Variants in PURG observed in about 807,000 individuals in gnomAD.
PURG encodes purine rich element binding protein G.
PURG carries 3 observed loss-of-function variants against 24.3 expected under a neutral mutation model. The ratio of observed to expected loss-of-function variants is 0.12; its 90% confidence interval spans 0.06 to 0.32. The LOEUF is 0.32. PURG is among the 10% of genes least tolerant of loss of function. The pLI, the probability that PURG is intolerant of heterozygous loss-of-function variation, is 1.00. For synonymous variants in PURG, 180 were observed against 173.1 expected, an observed-to-expected ratio of 1.04 and a Z score of -0.31; for missense variants, 371 against 439.1, an observed-to-expected ratio of 0.84 and a Z score of 1.39.
intron 1 of PURG, among the ~76,000 whole-genome samples, chr8:31,014,102 A>T (rs1810811474): frequency 6.6e-6 from 1 of 152,244 alleles, no homozygotes; most frequent in African/African-American, 2.4e-5. Context: ...ATCATTAAAA[A>T]AATCTGAATT....
At chr8:31,005,467 A>G (rs1810624482) in intron 1 of PURG, among the ~76,000 whole-genome samples, 1 of 151,796 alleles carries the variant, frequency 6.6e-6, no homozygotes, top group African/African-American at 2.4e-5. Flanking sequence ...AAAGAAAAGA[A>G]AAGAAAAATA....
chr8:31,014,647 T>G (rs1810825631), intron 1 of PURG, among the ~76,000 whole-genome samples: 1 of 152,246 alleles, frequency 6.6e-6, no homozygotes, highest in South Asian at 2.1e-4. Flanking sequence ...GCAAAGATTA[T>G]TAAATCATTT....
chr8:31,032,753 G>T lies in PURG; in HGVS notation c.30C>A (p.Gly10=). MERARRRGG[G]GGRGRGGKNV... is the part of the protein sequence containing the mutation. ...TCTTGCCTCCGCGGCCGCGGCCGCCGCCGCCTCCCCTTCGCCTGGCTCTTT... is the reference window on the plus strand; with the variant it reads ...TCTTGCCTCCGCGGCCGCGGCCGCCTCCGCCTCCCCTTCGCCTGGCTCTTT... The change falls in exon 2 of 2, where the codon GGC becomes GGA. Residue 10 remains glycine (G), a synonymous_variant. Transcript: ENST00000523392. The surrounding 1 kb of genome is among the most constrained non-coding windows in gnomAD (Gnocchi z 5.9). The T allele has an allele frequency of 7.0e-7, 1 of 1,434,882 alleles. No homozygotes were observed. The highest frequency in any genetic ancestry group is 9.2e-7 in the Non-Finnish European group (1 of 1,090,950). 88.9% of individuals were successfully genotyped at this position (1,434,882 alleles called of 1,614,324 possible).
At chr8:31,023,950 C>T (rs973487056) in intron 1 of PURG, among the ~76,000 whole-genome samples, 1 of 151,968 alleles carries the variant, frequency 6.6e-6, no homozygotes, top group African/African-American at 2.4e-5. Context: ...CTTTGCCATG[C>T]AGAATATAAA....
rs1358736652 is a variant in PURG at position 31,031,340 on chromosome 8, T to C, written c.*399A>G. 1 of 170,708 alleles carries C rather than the reference T, an allele frequency of 5.9e-6. No homozygotes were observed. Among genetic ancestry groups the C allele is most frequent in the Non-Finnish European group, 1.3e-5 (1 of 78,622 alleles). The allele number at this position is 170,708 out of a possible 1,614,324, so 10.6% of individuals were successfully genotyped here. On this transcript the variant is annotated 3_prime_UTR_variant, in exon 2 of 2. Coordinates refer to ENST00000523392, the MANE Select transcript of PURG (RefSeq NM_001323311.2). ...GCCCTACAGGTAAGCTTAGCAGCTT[T>C]TAATGAAGTAGAATTGAAATACTTT...
chr8:31,029,904 T>A (rs1284311381), downstream of PURG, among the ~76,000 whole-genome samples: 1 of 151,930 alleles, frequency 6.6e-6, no homozygotes, highest in African/African-American at 2.4e-5. Context: ...TTAGCTCTAG[T>A]ACTAACATTA....
chr8:31,011,344 G>A (rs1042814179), intron 1 of PURG, among the ~76,000 whole-genome samples: 1 of 152,052 alleles, frequency 6.6e-6, no homozygotes, highest in Admixed American at 6.6e-5. Flanking sequence ...CTAGGACTCA[G>A]GTAGTCATTA....
chr8:31,022,389 T>G (rs551587631), intron 1 of PURG, among the ~76,000 whole-genome samples: 1 of 152,232 alleles, frequency 6.6e-6, no homozygotes, highest in Non-Finnish European at 1.5e-5. Flanking sequence ...CCAAGTCAAA[T>G]CTGTTTTCTA....
intron 1 of PURG, among the ~76,000 whole-genome samples, chr8:31,014,251 C>G (rs1810814335): frequency 6.6e-6 from 1 of 152,130 alleles, no homozygotes; most frequent in South Asian, 2.1e-4. Context: ...CATGATCAAT[C>G]AGTTTTTGTG....
chr8:31,010,284 C>T (rs996886855), intron 1 of PURG, among the ~76,000 whole-genome samples: 3 of 152,036 alleles, frequency 2.0e-5, no homozygotes, highest in Non-Finnish European at 2.9e-5. Flanking sequence ...GGTGAGGAAA[C>T]GTCAAGTTCT....
Position 31,033,124 on chromosome 8 carries a change from G to A in PURG, c.-53C>T. ...GCCGCCGATGCCCTTCACGACCACC[G>A]CCGCCGCCACCGCCAGCTCTCGGCC... On this transcript the variant is annotated 5_prime_UTR_variant, in exon 1 of 2. Transcript: ENST00000523392. 4 of 219,768 alleles carry A rather than the reference G, an allele frequency of 1.8e-5. No individual in the cohort carries two copies. The highest frequency in any genetic ancestry group is 1.6e-4 in the East Asian group (2 of 12,206). 13.6% of individuals were successfully genotyped at this position (219,768 alleles called of 1,614,324 possible). A position where few individuals can be genotyped will look rare whatever the true frequency, so the allele number is the denominator to read the frequency against.
intron 1 of PURG, among the ~76,000 whole-genome samples, chr8:31,021,369 A>T (rs1038969890): frequency 6.6e-6 from 1 of 152,180 alleles, no homozygotes; most frequent in Non-Finnish European, 1.5e-5. Flanking sequence ...TTATGATCTG[A>T]TCCCTTTAAA....
intron 1 of PURG, among the ~76,000 whole-genome samples, chr8:31,014,522 A>G (rs1239316589): frequency 1.3e-5 from 2 of 152,242 alleles, no homozygotes; most frequent in Non-Finnish European, 2.9e-5. Flanking sequence ...GATTTTGAAA[A>G]TAACATTTGA....
intron 1 of PURG, among the ~76,000 whole-genome samples, chr8:30,998,616 T>G (rs976803229): frequency 6.6e-6 from 1 of 151,836 alleles, no homozygotes; most frequent in Non-Finnish European, 1.5e-5. Context: ...AGCTTAAAAT[T>G]ATAAACTTGA....
chr8:31,027,069 A>G (rs1563310130), downstream of PURG, among the ~76,000 whole-genome samples: 1 of 151,720 alleles, frequency 6.6e-6, no homozygotes, highest in Non-Finnish European at 1.5e-5. Flanking sequence ...AGTTGTTTCA[A>G]CAGCATGTTA....
At chr8:31,005,069 T>C (rs1810615258) in intron 1 of PURG, among the ~76,000 whole-genome samples, 2 of 152,198 alleles carry the variant, frequency 1.3e-5, no homozygotes, top group Admixed American at 1.3e-4. Context: ...AAAGAAACAC[T>C]CTACTGACAG....
At chr8:31,028,134 T>C (rs1451641696), downstream of PURG, among the ~76,000 whole-genome samples, 3 of 151,810 alleles carry the variant, frequency 2.0e-5, no homozygotes, top group East Asian at 5.8e-4. Flanking sequence ...GTGGGGAATC[T>C]CAACTAAATA....
intron 1 of PURG, among the ~76,000 whole-genome samples, chr8:30,999,518 GA>G (rs566208468): frequency 2.7e-4 from 41 of 151,822 alleles, no homozygotes; most frequent in Admixed American, 8.5e-4. Flanking sequence ...TTACCAGTAG[GA>G]AAAAAGTGCT....
downstream of PURG, among the ~76,000 whole-genome samples, chr8:31,028,184 TTTTA>T (rs1811125236): frequency 1.3e-5 from 2 of 151,910 alleles, no homozygotes; most frequent in Admixed American, 1.3e-4. Flanking sequence ...AGAAATAGTA[TTTTA>T]TTTATTCTAG....
Sources: gnomAD v4.1 joint callset for allele counts (sites outside exome capture counted in the v4.1 genomes callset) on GRCh38, gnomAD v4.1.1 for gene constraint, Gnocchi (gnomAD v3.1) non-coding constraint, MANE v1.5 for transcripts, NCBI Gene and HGNC (gene_info 2026-07-23, HGNC 2026-07-21) for gene names.